PTPRZ1: variants seen among roughly 807,000 people sequenced by gnomAD.
PTPRZ1 encodes protein tyrosine phosphatase receptor type Z1.
In PTPRZ1, 82 loss-of-function variants were observed where a neutral mutation model predicts 214.1. The ratio of observed to expected loss-of-function variants is 0.38; its 90% CI spans 0.32 to 0.46. The LOEUF is 0.46. Ranked by LOEUF, PTPRZ1 falls within the 20% of genes least tolerant of loss-of-function variation. The pLI is 1.00. For missense variants in PTPRZ1, 2,603 were observed against 2,748.7 expected, an observed-to-expected ratio of 0.95 and a Z score of 1.19; for synonymous variants, 945 against 987.9, an observed-to-expected ratio of 0.96 and a Z score of 0.81.
chr7:122,000,438 G>A (rs920491981), intron 10 of PTPRZ1, among the ~76,000 whole-genome samples: 1 of 151,270 alleles, frequency 6.6e-6, no homozygotes, highest in Admixed American at 6.6e-5. Context: ...TGGCTTTTGA[G>A]TTTGCTGCTT....
At position 121,993,279 on chromosome 7, in the gene PTPRZ1, C is replaced by T. The variant is rs189771471; in HGVS notation, c.929-3103C>T. 8.0e-4 allele frequency among the ~76,000 whole-genome samples: 122 copies of T among 151,820 alleles called. 1 individual carries two copies. Among genetic ancestry groups the T allele is most frequent in the African/African-American group, 2.6e-3 (109 of 41,386 alleles). ...ATAAGATAATTGGGCTGGCCGGGTGCGGTGACTCATGCCTGTAATCCCAGC... is the reference window on the plus strand; with the variant it reads ...ATAAGATAATTGGGCTGGCCGGGTGTGGTGACTCATGCCTGTAATCCCAGC... On this transcript the variant is annotated intron_variant, in intron 8 of 29. Coordinates refer to ENST00000393386, the MANE Select transcript of PTPRZ1 (RefSeq NM_002851.3).
intron 22 of PTPRZ1, among the ~76,000 whole-genome samples, chr7:122,043,346 C>T (rs1799787950): frequency 6.6e-6 from 1 of 152,162 alleles, no homozygotes; most frequent in Non-Finnish European, 1.5e-5. Flanking sequence ...GAGTGGTCCA[C>T]ACACATCCTT....
intron 2 of PTPRZ1, among the ~76,000 whole-genome samples, chr7:121,935,437 A>G (rs13247280): frequency 0.26 from 40,011 of 152,028 alleles, 5,396 homozygotes; most frequent in Admixed American, 0.29. Flanking sequence ...GGCTTTGTGT[A>G]GGACGCATTG....
chr7:121,976,369 A>T lies in PTPRZ1; in HGVS notation c.552+101A>T, dbSNP rs1313505078. On this transcript the variant is annotated intron_variant, in intron 5 of 29. Transcript: ENST00000393386. ...TAGTTTCTAACAAAGAGAGGAGCTC[A>T]CAAGTAAAATTAAAACTGGTGGTCA... 5.3e-6 allele frequency: 4 copies of T among 757,984 alleles called. No homozygotes were observed. In the African/African-American group the frequency reaches 7.0e-5, roughly 13 times the overall value. The allele number at this position is 757,984 out of a possible 1,614,324, so 47.0% of individuals were successfully genotyped here.
In PTPRZ1 at chr7:122,001,732, A is replaced by G. The variant is rs145696943; in HGVS notation, c.1241-2882A>G. ...TGTTATAGAAAATTAATGTGTTCCT[A>G]ATGTGTTTTTTTTAATTTAACATTA... On this transcript the variant is annotated intron_variant, in intron 10 of 29. Transcript: ENST00000393386. Among the ~76,000 whole-genome samples, 345 of 152,224 alleles carry G rather than the reference A, an allele frequency of 2.3e-3. 1 individual carries two copies. The highest frequency in any genetic ancestry group is 8.1e-3 in the African/African-American group (335 of 41,524).
chr7:122,019,085 A>C (rs775385201), intron 12 of PTPRZ1, 39 bp from the exon 13 acceptor site: 2 of 1,542,690 alleles, frequency 1.3e-6, no homozygotes, highest in Admixed American at 3.8e-5. Context: ...CTTTTCCTTC[A>C]CCTTAAATAT....
chr7:121,972,080 A>G (rs1022325897), intron 3 of PTPRZ1, among the ~76,000 whole-genome samples: 2 of 152,142 alleles, frequency 1.3e-5, no homozygotes, highest in African/African-American at 4.8e-5. Context: ...TGGGTGATAC[A>G]TGGAGGGATA....
Position 122,013,368 on chromosome 7 carries a change from A to G in PTPRZ1, c.4322A>G (p.Lys1441Arg). ...GGTAGTGATGGCTTATCCATTCATA[A>G]GTGTATGTCATGCTCATCCTATAGA... is the stretch of plus-strand genomic sequence containing the variant. ...DRGSDGLSIH[K>R]CMSCSSYRES... The change falls in exon 12 of 30, where the codon AAG becomes AGG. Residue 1441 changes from lysine (K) to arginine (R), a missense_variant. Coordinates refer to ENST00000393386, the MANE Select transcript of PTPRZ1 (RefSeq NM_002851.3). 6.2e-7 allele frequency: 1 copy of G among 1,614,162 alleles called. No homozygotes were observed. Among genetic ancestry groups the G allele is most frequent in the Non-Finnish European group, 8.5e-7 (1 of 1,180,020 alleles).
At chr7:122,039,731 C>T in intron 20 of PTPRZ1, 143 bp downstream of exon 20, 1 of 1,045,000 alleles carries the variant, frequency 9.6e-7, no homozygotes, top group Admixed American at 2.7e-5. Flanking sequence ...AGGTGCATGG[C>T]TTATGCCTGT....
At chr7:121,936,851 C>T (rs774003748) in intron 2 of PTPRZ1, among the ~76,000 whole-genome samples, 15 of 152,152 alleles carry the variant, frequency 9.9e-5, no homozygotes, top group African/African-American at 1.4e-4. Context: ...TGCACATTGT[C>T]GCAGAGTCAG....
rs71172161 is a variant in PTPRZ1 at position 122,045,683 on chromosome 7, T to TACACACACACACAC, written c.6084+1133_6084+1146dup. Among the ~76,000 whole-genome samples the TACACACACACACAC allele has an allele frequency of 1.4e-3, 206 of 146,602 alleles. 1 individual carries two copies. Among genetic ancestry groups the TACACACACACACAC allele is most frequent in the Middle Eastern group, 3.4e-3 (1 of 292 alleles). Reference sequence around the variant, plus strand: ...AAAGATATCTTTTCCCTAAATAAATTACACACACACACACACACACACACA... The same window carrying TACACACACACACAC: ...AAAGATATCTTTTCCCTAAATAAATTACACACACACACACACACACACACACACACACACACACA... On this transcript the variant is annotated intron_variant, in intron 23 of 29. Transcript: ENST00000393386.
intron 10 of PTPRZ1, among the ~76,000 whole-genome samples, chr7:122,001,827 A>G (rs567771697): frequency 1.3e-5 from 2 of 152,350 alleles, no homozygotes; most frequent in South Asian, 2.1e-4. Flanking sequence ...TGTGAATTCT[A>G]AGTGTTCACT....
Position 121,944,407 on chromosome 7 carries a change from T to A in PTPRZ1, c.124+16186T>A, listed in dbSNP as rs77411059. 3.9e-3 allele frequency among the ~76,000 whole-genome samples: 588 copies of A among 152,282 alleles called. 12 individuals are homozygous for A. The highest frequency in any genetic ancestry group is 0.02 in the Admixed American group (313 of 15,290). ...TCCTTTTAAATTGTGTTGTTAATAATCCTAATAATAATAATTTCCTTCTAA... is the reference window on the plus strand; with the variant it reads ...TCCTTTTAAATTGTGTTGTTAATAAACCTAATAATAATAATTTCCTTCTAA... On this transcript the variant is annotated intron_variant, in intron 2 of 29. Coordinates refer to ENST00000393386, the MANE Select transcript of PTPRZ1 (RefSeq NM_002851.3).
Position 122,011,103 on chromosome 7 carries a change from C to A in PTPRZ1, c.2057C>A (p.Ser686Tyr). The part of the protein sequence containing the change: ...TNYTEIRVDE[S>Y]EKTTKSFSAG... ...TACACTGAGATACGTGTTGATGAAT[C>A]TGAGAAGACAACCAAGTCCTTTTCT... is the stretch of plus-strand genomic sequence containing the variant. Residue 686 changes from serine (S) to tyrosine (Y), a missense_variant, in exon 12 of 30, where the codon TCT (serine) becomes TAT (tyrosine). Ser to Tyr is a moderately radical substitution (Grantham distance 144). Around this residue, in one of 6 missense-constraint regions of PTPRZ1, gnomAD observed 1,913 missense variants for 1,914.3 expected, o/e 1.00. Transcript: ENST00000393386. 6.2e-7 allele frequency: 1 copy of A among 1,614,114 alleles called. No homozygotes were observed. The highest frequency in any genetic ancestry group is 8.5e-7 in the Non-Finnish European group (1 of 1,179,996).
rs548092126 is a variant in PTPRZ1, at chr7:121,981,771, G to GGTGTGT, written c.620-1875_620-1870dup. 1.1e-4 allele frequency among the ~76,000 whole-genome samples: 17 copies of GGTGTGT among 149,224 alleles called. 1 individual carries two copies. Among genetic ancestry groups the GGTGTGT allele is most frequent in the African/African-American group, 3.9e-4 (16 of 40,882 alleles). On this transcript the variant is annotated intron_variant, in intron 6 of 29. Coordinates refer to ENST00000393386, the MANE Select transcript of PTPRZ1 (RefSeq NM_002851.3). Reference sequence around the variant, plus strand: ...ATATAAGAATAAACCCATATTTATTGGTGTGTGTGTGTGTGTGTGTGTGTA... The same window carrying GGTGTGT: ...ATATAAGAATAAACCCATATTTATTGGTGTGTGTGTGTGTGTGTGTGTGTGTGTGTA...
At chr7:121,935,589 G>A (rs1490950883) in intron 2 of PTPRZ1, among the ~76,000 whole-genome samples, 2 of 150,086 alleles carry the variant, frequency 1.3e-5, no homozygotes, top group Non-Finnish European at 2.9e-5. Flanking sequence ...TTGAGAAGGA[G>A]TGTCTCACTC....
chr7:122,012,135 C>A lies in PTPRZ1; in HGVS notation c.3089C>A (p.Thr1030Lys). The A allele has an allele frequency of 6.2e-7, 1 of 1,613,792 alleles. No homozygotes were observed. The highest frequency in any genetic ancestry group is 8.5e-7 in the Non-Finnish European group (1 of 1,179,704). ...SPVSVAEFTY[T>K]TSVFGDDNKA... is the part of the protein sequence containing the mutation. Reference sequence around the variant, plus strand: ...GTTTCTGTAGCTGAATTTACATATACAACATCTGTGTTTGGTGATGATAAT... The same window carrying A: ...GTTTCTGTAGCTGAATTTACATATAAAACATCTGTGTTTGGTGATGATAAT... Residue 1030 changes from threonine to lysine, a missense_variant, in exon 12 of 30, where the codon ACA becomes AAA. Around this residue, in one of 6 missense-constraint regions of PTPRZ1, gnomAD observed 1,913 missense variants for 1,914.3 expected, o/e 1.00. Transcript: ENST00000393386.
At chr7:121,897,856 G>A (rs555216957) in intron 1 of PTPRZ1, among the ~76,000 whole-genome samples, 3 of 152,222 alleles carry the variant, frequency 2.0e-5, no homozygotes, top group South Asian at 4.1e-4. Flanking sequence ...TATATATAAG[G>A]CAAAATTATC....
At chr7:122,054,730 A>G (rs1458694040) in intron 26 of PTPRZ1, among the ~76,000 whole-genome samples, 2 of 152,216 alleles carry the variant, frequency 1.3e-5, no homozygotes, top group Non-Finnish European at 2.9e-5. Context: ...GCATAAAATA[A>G]TAAAGCAATA....
Sources: gnomAD v4.1 joint callset for allele counts (sites outside exome capture counted in the v4.1 genomes callset) on GRCh38, gnomAD v4.1.1 for gene constraint, gnomAD v4.1.1 regional missense constraint, MANE v1.5 for transcripts, NCBI Gene and HGNC (gene_info 2026-07-23, HGNC 2026-07-21) for gene names.